The following FTO variants were observed in gnomAD, a reference collection of about 807,000 sequenced individuals.
FTO encodes FTO alpha-ketoglutarate dependent dioxygenase.
A neutral mutation model predicts 63.9 loss-of-function variants in FTO; 47 were observed. That is an observed-to-expected ratio of 0.74 (90% CI 0.58 to 0.94). The LOEUF is 0.94. Ranked by LOEUF, FTO falls within the 40% of genes least tolerant of loss-of-function variation. FTO has a pLI of 0.00. For synonymous variants in FTO, 207 were observed against 224.4 expected (o/e 0.92, Z 0.69); for missense variants, 562 against 618.1 (o/e 0.91, Z 0.96).
At chr16:54,036,199 T>C (rs1306253650) in intron 8 of FTO, among the ~76,000 whole-genome samples, 3 of 152,218 alleles carry the variant, frequency 2.0e-5, no homozygotes, top group Non-Finnish European at 2.9e-5. Context: ...AGGTTCCTAT[T>C]GGCCCTCAGT....
chr16:54,099,049 T>A (rs2086577230), intron 8 of FTO, among the ~76,000 whole-genome samples: 1 of 152,218 alleles, frequency 6.6e-6, no homozygotes, highest in African/African-American at 2.4e-5. Flanking sequence ...GAAAGGGTTA[T>A]CTTTTCTCAA....
chr16:54,055,106 C>T (rs760421178), intron 8 of FTO, among the ~76,000 whole-genome samples: 1 of 152,180 alleles, frequency 6.6e-6, no homozygotes, highest in Non-Finnish European at 1.5e-5. Flanking sequence ...TTAGTTCATA[C>T]CAGCGAACTA....
At chr16:53,776,555 A>T (rs1376304657) in intron 1 of FTO, among the ~76,000 whole-genome samples, 1 of 152,178 alleles carries the variant, frequency 6.6e-6, no homozygotes, top group Non-Finnish European at 1.5e-5. Flanking sequence ...TAAACCTATC[A>T]ATATTTACTG....
chr16:53,976,370 C>G (rs549644891), intron 8 of FTO, among the ~76,000 whole-genome samples: 5 of 152,022 alleles, frequency 3.3e-5, no homozygotes, highest in Non-Finnish European at 7.4e-5. Context: ...TGGCACAACA[C>G]CTTTTATGGA....
intron 8 of FTO, among the ~76,000 whole-genome samples, chr16:53,942,474 T>C (rs2082552708): frequency 1.3e-5 from 2 of 152,260 alleles, no homozygotes; most frequent in South Asian, 4.2e-4. Context: ...GAGGAAGAAC[T>C]GGCATGGCGA....
intron 7 of FTO, among the ~76,000 whole-genome samples, chr16:53,923,712 G>T (rs2082065166): frequency 6.6e-6 from 1 of 150,746 alleles, no homozygotes; most frequent in South Asian, 2.1e-4. Context: ...ACAAGTACAT[G>T]GGGCTGTTTT....
chr16:53,723,756 G>A (rs1438167606), intron 1 of FTO, among the ~76,000 whole-genome samples: 1 of 152,214 alleles, frequency 6.6e-6, no homozygotes, highest in Non-Finnish European at 1.5e-5. Context: ...ATGGTGGAAG[G>A]AGGGAGAGTG....
At chr16:53,867,565 G>A (rs983888703) in intron 4 of FTO, among the ~76,000 whole-genome samples, 3 of 151,612 alleles carry the variant, frequency 2.0e-5, no homozygotes, top group Non-Finnish European at 4.4e-5. Flanking sequence ...GTAAGTGAAA[G>A]TAATGATAAC....
intron 8 of FTO, among the ~76,000 whole-genome samples, chr16:54,095,309 G>A (rs2086492089): frequency 6.6e-6 from 1 of 152,064 alleles, no homozygotes; most frequent in Non-Finnish European, 1.5e-5. Context: ...CAAAGTGTTG[G>A]GATTACAGGC....
intron 3 of FTO, among the ~76,000 whole-genome samples, chr16:53,830,723 C>A (rs1418365243): frequency 1.3e-5 from 2 of 152,096 alleles, no homozygotes; most frequent in Admixed American, 6.6e-5. Flanking sequence ...CATGGTGAAA[C>A]CTTGTCTCTT....
intron 4 of FTO, among the ~76,000 whole-genome samples, chr16:53,862,490 C>T (rs2085623826): frequency 6.6e-6 from 1 of 150,978 alleles, no homozygotes. Flanking sequence ...CCTTGGAAAA[C>T]ATTCTTCTAG....
chr16:54,016,822 G>C (rs1338111724), intron 8 of FTO, among the ~76,000 whole-genome samples: 2 of 152,150 alleles, frequency 1.3e-5, no homozygotes, highest in African/African-American at 2.4e-5. Context: ...GTGACATAGA[G>C]ACACCTGGCT....
At position 53,775,856 on chromosome 16, in the gene FTO, T is replaced by C. The variant is rs79851974; in HGVS notation, c.46-34284T>C. Among the ~76,000 whole-genome samples, 1,109 of 152,294 alleles carry C rather than the reference T, an allele frequency of 7.3e-3. 15 individuals are homozygous for C. The highest frequency in any genetic ancestry group is 0.025 in the African/African-American group (1,043 of 41,566). ...TTTTTTTCTCCTTTCTTCATACTTA[T>C]AGCATGGTTTACTAAGGCATTTTAA... On this transcript the variant is annotated intron_variant, in intron 1 of 8. Transcript: ENST00000471389.
intron 7 of FTO, among the ~76,000 whole-genome samples, chr16:53,893,789 G>A (rs561910478): frequency 5.9e-5 from 9 of 152,144 alleles, no homozygotes; most frequent in Non-Finnish European, 1.5e-5. Flanking sequence ...TGTTTTCCTT[G>A]GTTTTTTCTT....
At chr16:53,742,279 A>T (rs746220286) in intron 1 of FTO, among the ~76,000 whole-genome samples, 1 of 152,178 alleles carries the variant, frequency 6.6e-6, no homozygotes, top group Non-Finnish European at 1.5e-5. Context: ...TTGGCCTGGC[A>T]GGAAGGGTCA....
At chr16:54,073,238 T>C (rs1022702825) in intron 8 of FTO, among the ~76,000 whole-genome samples, 1 of 152,052 alleles carries the variant, frequency 6.6e-6, no homozygotes, top group Non-Finnish European at 1.5e-5. Context: ...ACACCTTTCT[T>C]CCCAAATGGA....
chr16:54,094,909 C>T (rs1426339216), intron 8 of FTO, among the ~76,000 whole-genome samples: 1 of 152,268 alleles, frequency 6.6e-6, no homozygotes, highest in South Asian at 2.1e-4. Context: ...CTGCTTAAAA[C>T]CCTCCGGCGG....
chr16:54,058,217 T>C (rs553197860), intron 8 of FTO, among the ~76,000 whole-genome samples: 318 of 152,230 alleles, frequency 2.1e-3, no homozygotes, highest in Non-Finnish European at 3.9e-3. Context: ...GTTCAGGTGA[T>C]TCTCCTGCCT....
intron 1 of FTO, among the ~76,000 whole-genome samples, chr16:53,802,776 C>T (rs1351226791): frequency 6.6e-6 from 1 of 151,968 alleles, no homozygotes; most frequent in African/African-American, 2.4e-5. Context: ...GATAATTTGC[C>T]TTGCTGTGTC....
Sources: gnomAD v4.1 joint callset for allele counts (sites outside exome capture counted in the v4.1 genomes callset) on GRCh38, gnomAD v4.1.1 for gene constraint, MANE v1.5 for transcripts, NCBI Gene and HGNC (gene_info 2026-07-23, HGNC 2026-07-21) for gene names.